SEC23A: variants seen among roughly 807,000 people sequenced by gnomAD.
The protein encoded by SEC23A is SEC23 homolog A, COPII component, also known as protein transport protein Sec23A.
A neutral mutation model predicts 103.7 loss-of-function variants in SEC23A; 56 were observed. The observed-to-expected ratio is 0.54, with a 90% CI of 0.44 to 0.67. SEC23A has a LOEUF of 0.67. Ranked by LOEUF, SEC23A falls within the 30% of genes least tolerant of loss-of-function variation. The pLI is 0.00. For missense variants in SEC23A, 784 were observed against 936.4 expected, an observed-to-expected ratio of 0.84 and a Z score of 2.12; for synonymous variants, 281 against 293.0, an observed-to-expected ratio of 0.96 and a Z score of 0.42.
chr14:39,064,732 C>CT (rs886511255), intron 11 of SEC23A, 181 bp downstream of exon 11: 4 of 623,670 alleles, frequency 6.4e-6, no homozygotes, highest in Admixed American at 2.8e-5. Context: ...TTCGCTGTGT[C>CT]TTTTTTTCTT....
chr14:39,098,849 A>C (rs1300923718), intron 1 of SEC23A, among the ~76,000 whole-genome samples: 1 of 152,020 alleles, frequency 6.6e-6, no homozygotes, highest in Non-Finnish European at 1.5e-5. Flanking sequence ...ATAAGTCATA[A>C]GAAATCCAGT....
At chr14:39,102,551 A>G (rs1031880305) in intron 1 of SEC23A, among the ~76,000 whole-genome samples, 9 of 152,218 alleles carry the variant, frequency 5.9e-5, no homozygotes, top group Non-Finnish European at 1.2e-4. Context: ...TGGAAAACTG[A>G]ACTCTTTGTA....
At chr14:39,045,623 G>A (rs1010907976) in intron 15 of SEC23A, among the ~76,000 whole-genome samples, 1 of 151,982 alleles carries the variant, frequency 6.6e-6, no homozygotes, top group African/African-American at 2.4e-5. Flanking sequence ...CTCTGGGATG[G>A]CTTGGGGCCC....
At chr14:39,086,166 C>T (rs1887437663) in intron 6 of SEC23A, among the ~76,000 whole-genome samples, 1 of 152,024 alleles carries the variant, frequency 6.6e-6, no homozygotes, top group African/African-American at 2.4e-5. Flanking sequence ...CTAGGTGACA[C>T]GTGATGATAA....
At chr14:39,052,922 G>T (rs1031932782) in intron 14 of SEC23A, among the ~76,000 whole-genome samples, 1 of 152,168 alleles carries the variant, frequency 6.6e-6, no homozygotes, top group African/African-American at 2.4e-5. Flanking sequence ...GACCACCTGA[G>T]GTCAGGAGTT....
chr14:39,070,367 T>A (rs1886803195), intron 9 of SEC23A, among the ~76,000 whole-genome samples: 1 of 152,142 alleles, frequency 6.6e-6, no homozygotes, highest in Non-Finnish European at 1.5e-5. Context: ...AAAGAACACA[T>A]CCCAGGTCAT....
chr14:39,050,292 C>T (rs1429985160), intron 14 of SEC23A, among the ~76,000 whole-genome samples: 1 of 152,132 alleles, frequency 6.6e-6, no homozygotes, highest in East Asian at 1.9e-4. Flanking sequence ...ACATCCCTTA[C>T]AAAAAGGCTA....
chr14:39,076,593 C>T (rs1439351917), intron 7 of SEC23A, among the ~76,000 whole-genome samples: 1 of 151,324 alleles, frequency 6.6e-6, no homozygotes, highest in South Asian at 2.1e-4. Context: ...TGGTGTTTTA[C>T]TTTTGTTTTT....
chr14:39,065,826 C>T (rs1886640537), intron 10 of SEC23A, among the ~76,000 whole-genome samples: 1 of 151,828 alleles, frequency 6.6e-6, no homozygotes, highest in African/African-American at 2.4e-5. Flanking sequence ...TGGAGAAACC[C>T]CATCTCTACT....
At chr14:39,035,620 C>T (rs1244236928) in intron 19 of SEC23A, among the ~76,000 whole-genome samples, 5 of 152,232 alleles carry the variant, frequency 3.3e-5, no homozygotes, top group African/African-American at 9.6e-5. Flanking sequence ...AACTTTTGGA[C>T]CTGGGATTCA....
intron 19 of SEC23A, among the ~76,000 whole-genome samples, chr14:39,037,261 G>C (rs1404704365): frequency 6.6e-6 from 1 of 151,872 alleles, no homozygotes; most frequent in African/African-American, 2.4e-5. Flanking sequence ...TCTTATTGTG[G>C]CTCAATAAGG....
At chr14:39,091,032 G>C (rs905875219) in intron 5 of SEC23A, 2 of 390,446 alleles carry the variant, frequency 5.1e-6, no homozygotes, top group Non-Finnish European at 9.6e-6. Flanking sequence ...CTGAGGAAAA[G>C]AAAGTGGAAA....
intron 5 of SEC23A, 135 bp from the exon 6 acceptor site, chr14:39,087,143 A>G: frequency 1.5e-6 from 1 of 668,844 alleles, no homozygotes; most frequent in East Asian, 2.7e-5. Flanking sequence ...TTCCTCAGAA[A>G]ACAAAGAATC....
intron 2 of SEC23A, 149 bp from the exon 3 acceptor site, chr14:39,093,393 G>A (rs1026434868): frequency 3.2e-6 from 2 of 618,080 alleles, no homozygotes; most frequent in Non-Finnish European, 5.6e-6. Flanking sequence ...TGTAGTTTTA[G>A]ATACTGCCAA....
chr14:39,050,746 A>G (rs1382373850), intron 14 of SEC23A, among the ~76,000 whole-genome samples: 5 of 152,118 alleles, frequency 3.3e-5, no homozygotes. Context: ...TGAGCCCAGG[A>G]GTTCAAGTCC....
intron 9 of SEC23A, 26 bp from the exon 10 acceptor site, chr14:39,067,322 C>T: frequency 6.2e-7 from 1 of 1,612,292 alleles, no homozygotes; most frequent in Non-Finnish European, 8.5e-7. Context: ...AAAAAAACAA[C>T]ATACTTGACA....
intron 7 of SEC23A, among the ~76,000 whole-genome samples, chr14:39,085,471 C>G (rs1887400813): frequency 6.6e-6 from 1 of 152,116 alleles, no homozygotes; most frequent in Non-Finnish European, 1.5e-5. Flanking sequence ...TGGGGGCAGT[C>G]TTGTGGGACT....
intron 13 of SEC23A, among the ~76,000 whole-genome samples, chr14:39,060,404 A>C (rs1182586539): frequency 1.3e-5 from 2 of 152,220 alleles, no homozygotes; most frequent in Non-Finnish European, 2.9e-5. Context: ...AAAAGTCTTA[A>C]GATTTTCAGG....
chr14:39,095,306 T>G (rs1285522628), intron 2 of SEC23A, among the ~76,000 whole-genome samples: 1 of 151,960 alleles, frequency 6.6e-6, no homozygotes, highest in Admixed American at 6.6e-5. Context: ...AACTTTTTTT[T>G]TTTTTTTGAG....
Sources: gnomAD v4.1 joint callset for allele counts (sites outside exome capture counted in the v4.1 genomes callset) on GRCh38, gnomAD v4.1.1 for gene constraint, MANE v1.5 for transcripts, NCBI Gene and HGNC (gene_info 2026-07-23, HGNC 2026-07-21) for gene names.